LRBA: variants seen among roughly 807,000 people sequenced by gnomAD.
The protein encoded by LRBA is LPS responsive beige-like anchor protein.
Under a neutral mutation model 330.0 loss-of-function variants are expected in LRBA, and 176 were observed. That is an observed-to-expected ratio of 0.53 (90% CI 0.47 to 0.60). LRBA has a LOEUF of 0.60. LRBA is among the 20% of genes least tolerant of loss of function. The pLI is 0.00. For missense variants in LRBA, 3,259 were observed against 3,444.8 expected (o/e 0.95, Z 1.35); for synonymous variants, 1,230 against 1,193.0 (o/e 1.03, Z -0.64).
chr4:150,896,322 A>C (rs1185338376), intron 16 of LRBA, 72 bp downstream of exon 16: 1 of 773,798 alleles, frequency 1.3e-6, no homozygotes, highest in African/African-American at 1.8e-5. Flanking sequence ...GATTTCTTTA[A>C]ATTTTTACTT....
At chr4:150,630,721 T>C (rs962805120) in intron 37 of LRBA, among the ~76,000 whole-genome samples, 7 of 152,110 alleles carry the variant, frequency 4.6e-5, no homozygotes, top group African/African-American at 1.7e-4. Context: ...GCTAAACTTT[T>C]CTGTGGCAGT....
At chr4:150,537,887 G>A (rs1764847314) in intron 40 of LRBA, among the ~76,000 whole-genome samples, 1 of 152,054 alleles carries the variant, frequency 6.6e-6, no homozygotes, top group African/African-American at 2.4e-5. Flanking sequence ...CCCAGGAGGG[G>A]GAGGTTGCAG....
chr4:150,635,003 G>A (rs1581873934), intron 37 of LRBA, among the ~76,000 whole-genome samples: 1 of 152,266 alleles, frequency 6.6e-6, no homozygotes, highest in African/African-American at 2.4e-5. Context: ...CTGCCTAAGC[G>A]GGGGATTTAT....
chr4:150,952,285 G>A (rs979209060), intron 2 of LRBA, among the ~76,000 whole-genome samples: 7 of 151,962 alleles, frequency 4.6e-5, no homozygotes, highest in Non-Finnish European at 8.8e-5. Context: ...TATGTCTATA[G>A]AGAGAGAGAT....
At chr4:150,532,659 C>T (rs894503817) in intron 40 of LRBA, among the ~76,000 whole-genome samples, 2 of 151,506 alleles carry the variant, frequency 1.3e-5, no homozygotes, top group African/African-American at 4.8e-5. Flanking sequence ...AAATGCAAGC[C>T]CTATTAGTGA....
chr4:150,307,580 C>CA (rs1044101871), intron 52 of LRBA, among the ~76,000 whole-genome samples: 26 of 148,270 alleles, frequency 1.8e-4, no homozygotes, highest in Middle Eastern at 3.4e-3. Flanking sequence ...AAAAAAAAAG[C>CA]AAAAAAAACA....
At chr4:150,639,369 A>AG (rs1554070548) in intron 37 of LRBA, among the ~76,000 whole-genome samples, 1 of 148,108 alleles carries the variant, frequency 6.8e-6, no homozygotes, top group African/African-American at 2.5e-5. Flanking sequence ...ATAAAAAAAA[A>AG]AAAGAAAAAA....
chr4:150,893,569 C>A (rs1348364134), intron 16 of LRBA, among the ~76,000 whole-genome samples: 1 of 152,106 alleles, frequency 6.6e-6, no homozygotes, highest in South Asian at 2.1e-4. Context: ...AGGCTGGTCT[C>A]GAACTCTTGG....
At chr4:150,739,599 G>T (rs532618924) in intron 35 of LRBA, among the ~76,000 whole-genome samples, 1 of 152,108 alleles carries the variant, frequency 6.6e-6, no homozygotes, top group Non-Finnish European at 1.5e-5. Flanking sequence ...AAGAAAATAT[G>T]GCAACAATGA....
At chr4:150,942,035 A>C (rs990309384) in intron 2 of LRBA, among the ~76,000 whole-genome samples, 1 of 152,238 alleles carries the variant, frequency 6.6e-6, no homozygotes, top group Non-Finnish European at 1.5e-5. Flanking sequence ...TTTACAGTTA[A>C]GTGTAAATGT....
chr4:150,487,112 C>G (rs776480780), intron 42 of LRBA, among the ~76,000 whole-genome samples: 16 of 151,686 alleles, frequency 1.1e-4, no homozygotes, highest in Non-Finnish European at 1.6e-4. Context: ...GTGCAGATAT[C>G]TCTTTGACAT....
chr4:150,825,740 T>C (rs1486691010), intron 30 of LRBA, among the ~76,000 whole-genome samples: 1 of 152,146 alleles, frequency 6.6e-6, no homozygotes, highest in African/African-American at 2.4e-5. Flanking sequence ...AAACCTTTGA[T>C]AACATAATGG....
At chr4:150,479,719 G>T (rs1212434449) in intron 42 of LRBA, among the ~76,000 whole-genome samples, 2 of 152,144 alleles carry the variant, frequency 1.3e-5, no homozygotes, top group Non-Finnish European at 2.9e-5. Flanking sequence ...TCAAGAGAAA[G>T]TAATTTTTAA....
intron 45 of LRBA, 129 bp from the exon 46 acceptor site, chr4:150,435,837 T>C (rs1008883513): frequency 3.8e-6 from 2 of 531,566 alleles, no homozygotes; most frequent in Non-Finnish European, 6.5e-6. Flanking sequence ...AGGTATATAA[T>C]GAGAATTATA....
chr4:150,358,176 T>G lies in LRBA; in HGVS notation c.7195-8017A>C, dbSNP rs1738148012. Reference sequence around the variant, plus strand: ...GATAATCTTGCACAAACATTATTTCTCTTAGAAAGGCTTTGAATGGTAGGT... The same window carrying G: ...GATAATCTTGCACAAACATTATTTCGCTTAGAAAGGCTTTGAATGGTAGGT... On this transcript the variant is annotated intron_variant, in intron 47 of 56. Transcript: ENST00000651943. Among the ~76,000 whole-genome samples the G allele has an allele frequency of 2.0e-5, 3 of 152,178 alleles. 1 individual carries two copies. The South Asian group carries it at 6.2e-4, about 31-fold the overall frequency.
chr4:150,508,611 A>T (rs1465327465), intron 40 of LRBA, among the ~76,000 whole-genome samples: 2 of 152,194 alleles, frequency 1.3e-5, no homozygotes, highest in Non-Finnish European at 2.9e-5. Flanking sequence ...AGAGCAAAAC[A>T]TTTAATTAGG....
At chr4:150,383,421 T>C (rs1742582440) in intron 47 of LRBA, among the ~76,000 whole-genome samples, 1 of 152,038 alleles carries the variant, frequency 6.6e-6, no homozygotes, top group Non-Finnish European at 1.5e-5. Flanking sequence ...GGCTAATTTT[T>C]TATTTTAATT....
At chr4:150,721,510 T>TG in intron 36 of LRBA, 1 of 225,262 alleles carries the variant, frequency 4.4e-6, no homozygotes, top group Non-Finnish European at 8.6e-6. Context: ...TAAGAAGAAC[T>TG]GGGTTTTTTT....
Position 150,962,445 on chromosome 4 carries a change from GAAGTCCCAGCTACAGTAAGC to G in LRBA, c.217-33400_217-33381del, listed in dbSNP as rs573850174. ...AGGTGGAAGGATCACTTGAGCCCGG[GAAGTCCCAGCTACAGTAAGC>G]TGTGATCACACCACTGCAATCCAGC... On this transcript the variant is annotated intron_variant, in intron 2 of 56. Transcript: ENST00000651943. Among the ~76,000 whole-genome samples, 195 of 149,426 alleles carry G rather than the reference GAAGTCCCAGCTACAGTAAGC, an allele frequency of 1.3e-3. 22 individuals carry two copies. The highest frequency in any genetic ancestry group is 3.9e-3 in the African/African-American group (152 of 38,808).
Sources: gnomAD v4.1 joint callset for allele counts (sites outside exome capture counted in the v4.1 genomes callset) on GRCh38, gnomAD v4.1.1 for gene constraint, MANE v1.5 for transcripts, NCBI Gene and HGNC (gene_info 2026-07-23, HGNC 2026-07-21) for gene names.